Variants in SLC45A1 observed in about 807,000 individuals in gnomAD.
SLC45A1 encodes proton-associated sugar transporter A.
Under a neutral mutation model 57.6 loss-of-function variants are expected in SLC45A1, and 28 were observed. That is an observed-to-expected ratio of 0.49 (90% CI 0.36 to 0.67). SLC45A1 has a LOEUF of 0.67. SLC45A1 is among the 30% of genes least tolerant of loss of function. The pLI is 0.00. For missense variants in SLC45A1, 814 were observed against 1,041.5 expected (o/e 0.78, Z 3.01); for synonymous variants, 459 against 471.5 (o/e 0.97, Z 0.34).
chr1:8,331,087 C>CA, intron 5 of SLC45A1, 151 bp downstream of exon 5: 2 of 1,025,012 alleles, frequency 2.0e-6, no homozygotes, highest in Non-Finnish European at 1.4e-6. Context: ...AAGAGAAAAG[C>CA]CTTAGAGGCC....
Position 8,330,877 on chromosome 1 carries a change from G to T in SLC45A1, c.1384G>T (p.Ala462Ser). 6.2e-7 allele frequency: 1 copy of T among 1,605,684 alleles called. No individual in the cohort carries two copies. Among genetic ancestry groups the T allele is most frequent in the Non-Finnish European group, 8.5e-7 (1 of 1,174,052 alleles). Residue 462 changes from alanine (A) to serine (S), a missense_variant, in exon 5 of 9, where the codon GCA becomes TCA. Coordinates refer to ENST00000471889, the MANE Select transcript of SLC45A1 (RefSeq NM_001080397.3). The surrounding 1 kb of genome is among the most constrained non-coding windows in gnomAD (Gnocchi z 8.4). ...ACCTCAGACCTTGGCCATCCCGGAC[G>T]CAGCCGGAGGAGGGGGTCCCGAAAC... ...KRPQTLAIPD[A>S]AGGGGPETSR...
At chr1:8,329,512 T>C (rs111256444) in intron 4 of SLC45A1, among the ~76,000 whole-genome samples, 3,376 of 152,286 alleles carry the variant, frequency 0.022, 130 homozygotes, top group African/African-American at 0.077. Flanking sequence ...GAAGCTGCAG[T>C]GTTTGGAGGT....
intron 8 of SLC45A1, among the ~76,000 whole-genome samples, chr1:8,340,264 G>C (rs1160676342): frequency 6.6e-6 from 1 of 151,496 alleles, no homozygotes; most frequent in East Asian, 1.9e-4. Context: ...CCGGGTTCAA[G>C]TGGTCCTCCT....
chr1:8,334,911 C>T (rs890488471), intron 5 of SLC45A1, among the ~76,000 whole-genome samples: 10 of 152,218 alleles, frequency 6.6e-5, no homozygotes, highest in East Asian at 1.9e-4. Context: ...GACCGTGGGG[C>T]GTGTCGTGTG....
rs1057205382 is a variant in SLC45A1, at chr1:8,328,506, A to T, written c.716-1703A>T. 3.3e-5 allele frequency among the ~76,000 whole-genome samples: 5 copies of T among 152,180 alleles called. No individual in the cohort carries two copies. The highest frequency in any genetic ancestry group is 1.2e-4 in the African/African-American group (5 of 41,432). On this transcript the variant is annotated intron_variant, in intron 4 of 8. Transcript: ENST00000471889. This position sits in a 1 kb window ranked among gnomAD's most constrained non-coding sequence, Gnocchi z 4.6. Reference sequence around the variant, plus strand: ...GGTTTTTACCTTACGCCCGTCTATGAGAATGCACCACTTTGATCATTCAAG... The same window carrying T: ...GGTTTTTACCTTACGCCCGTCTATGTGAATGCACCACTTTGATCATTCAAG...
chr1:8,333,587 C>A (rs1640491972), intron 5 of SLC45A1, among the ~76,000 whole-genome samples: 1 of 151,964 alleles, frequency 6.6e-6, no homozygotes, highest in South Asian at 2.1e-4. Flanking sequence ...AGGTGTGCAC[C>A]ACCACACCCA....
rs1640206972 is a variant in SLC45A1 at position 8,326,457 on chromosome 1, C to T, written c.715+415C>T. ...TTGTTGTATGTGTTTCTGTTTAAAACCCCTTATTTCATCTGTGCCTTTGGC... is the reference window on the plus strand; with the variant it reads ...TTGTTGTATGTGTTTCTGTTTAAAATCCCTTATTTCATCTGTGCCTTTGGC... On this transcript the variant is annotated intron_variant, in intron 4 of 8. Coordinates refer to ENST00000471889, the MANE Select transcript of SLC45A1 (RefSeq NM_001080397.3). The surrounding 1 kb of genome is among the most constrained non-coding windows in gnomAD (Gnocchi z 5.5). Among the ~76,000 whole-genome samples, 1 of 152,202 alleles carries T rather than the reference C, an allele frequency of 6.6e-6. No individual in the cohort carries two copies. The highest frequency in any genetic ancestry group is 2.1e-4 in the South Asian group (1 of 4,832).
Position 8,343,749 on chromosome 1 carries a change from T to G in SLC45A1, c.1983T>G (p.Phe661Leu). 1.2e-6 allele frequency: 2 copies of G among 1,606,064 alleles called. No individual in the cohort carries two copies. The highest frequency in any genetic ancestry group is 1.7e-6 in the Non-Finnish European group (2 of 1,173,604). Reference sequence around the variant, plus strand: ...ACACGTTTCTTCCTCTGGGTCAGTTTGCAGGGTCCAGTGCGGACGGCACCC... The same window carrying G: ...ACACGTTTCTTCCTCTGGGTCAGTTGGCAGGGTCCAGTGCGGACGGCACCC... ...LLCDYYQSKK[F>L]AGSSADGTRR... Residue 661 changes from phenylalanine (F) to leucine (L), a missense_variant and splice_region_variant, in exon 9 of 9, where the codon TTT (phenylalanine) becomes TTG (leucine). By Grantham distance (22) the Phe-to-Leu change is conservative. Transcript: ENST00000471889. This position sits in a 1 kb window ranked among gnomAD's most constrained non-coding sequence, Gnocchi z 7.7.
chr1:8,332,170 A>G lies in SLC45A1; in HGVS notation c.1443+1234A>G, dbSNP rs574751750. Reference sequence around the variant, plus strand: ...TCCTGCTAGTGAGTTTCTTAGAGGCATAGTGTGCACCCCACTTGTTTCTGG... The same window carrying G: ...TCCTGCTAGTGAGTTTCTTAGAGGCGTAGTGTGCACCCCACTTGTTTCTGG... On this transcript the variant is annotated intron_variant, in intron 5 of 8. Transcript: ENST00000471889. Among the ~76,000 whole-genome samples the G allele has an allele frequency of 2.2e-4, 34 of 152,322 alleles. No homozygotes were observed. In the East Asian group the frequency reaches 6.0e-3, roughly 27 times the overall value.
In SLC45A1 at chr1:8,339,598, T is replaced by G; in HGVS notation, c.1880T>G (p.Leu627Arg). Residue 627 changes from leucine to arginine, a missense_variant, in exon 8 of 9, where the codon CTC (leucine) becomes CGC (arginine). Physicochemically the swap from Leu to Arg is moderately radical, Grantham distance 102 (BLOSUM62 -2). Coordinates refer to ENST00000471889, the MANE Select transcript of SLC45A1 (RefSeq NM_001080397.3). The part of the protein sequence containing the change: ...GTGLATLSRN[L>R]YVVLSLCITY... ...GGGCTTGCCACCCTCTCCAGGAACCTCTACGTGGTCCTGTCGCTCTGCATA... is the reference window on the plus strand; with the variant it reads ...GGGCTTGCCACCCTCTCCAGGAACCGCTACGTGGTCCTGTCGCTCTGCATA... The G allele has an allele frequency of 6.2e-7, 1 of 1,614,212 alleles. No individual in the cohort carries two copies.
intron 4 of SLC45A1, among the ~76,000 whole-genome samples, chr1:8,329,281 G>T (rs1417838325): frequency 2.0e-5 from 3 of 152,210 alleles, no homozygotes; most frequent in Non-Finnish European, 4.4e-5. Context: ...AAAATCCCGT[G>T]CTGGTAGCAG....
At position 8,325,425 on chromosome 1, in the gene SLC45A1, G is replaced by GAA; in HGVS notation, c.490+44_490+45dup. The GAA allele has an allele frequency of 8.7e-6, 11 of 1,267,010 alleles. No homozygotes were observed. Among genetic ancestry groups the GAA allele is most frequent in the African/African-American group, 1.6e-5 (1 of 63,844 alleles). 78.5% of individuals were successfully genotyped at this position (1,267,010 alleles called of 1,614,324 possible). On this transcript the variant is annotated intron_variant, in intron 3 of 8. Coordinates refer to ENST00000471889, the MANE Select transcript of SLC45A1 (RefSeq NM_001080397.3). This position sits in a 1 kb window ranked among gnomAD's most constrained non-coding sequence, Gnocchi z 6.3. ...TTTGGCATGGAAATAAAATGGAGAG[G>GAA]AAAAAAAAAAGGCCCCAACTGCTTC...
rs1251005483 is a variant in SLC45A1, at chr1:8,324,438, C to T, written c.109C>T (p.Arg37Ter). The T allele has an allele frequency of 3.1e-6, 5 of 1,612,792 alleles. No homozygotes were observed. The highest frequency in any genetic ancestry group is 1.3e-5 in the African/African-American group (1 of 74,972). The change falls in exon 2 of 9, where the codon CGA becomes TGA. Residue 37 changes from arginine to a stop codon, truncating the protein, a stop_gained. Coordinates refer to ENST00000471889, the MANE Select transcript of SLC45A1 (RefSeq NM_001080397.3). LOFTEE classifies it high-confidence loss of function. The stretch of plus-strand genomic sequence containing the variant: ...CACGGGCTACTCGGGGTCCGTGACA[C>T]GACACCTCAGTCACCGGGCCAACAA... ...QVTGYSGSVT[R>*]HLSHRANNFK...
Position 8,344,111 on chromosome 1 carries a change from G to C in SLC45A1, c.*98G>C. 9.2e-7 allele frequency: 1 copy of C among 1,090,874 alleles called. No homozygotes were observed. Among genetic ancestry groups the C allele is most frequent in the Non-Finnish European group, 1.3e-6 (1 of 770,254 alleles). 67.6% of individuals were successfully genotyped at this position (1,090,874 alleles called of 1,614,324 possible). ...AGGGCCTTGTTGGACAGGGGGACTG[G>C]CTGCCTACTGGAATGTAAATATGTG... is the stretch of plus-strand genomic sequence containing the variant. On this transcript the variant is annotated 3_prime_UTR_variant, in exon 9 of 9. Coordinates refer to ENST00000471889, the MANE Select transcript of SLC45A1 (RefSeq NM_001080397.3).
In SLC45A1 at chr1:8,325,999, C is replaced by A; in HGVS notation, c.672C>A (p.Pro224=). The change falls in exon 4 of 9, where the codon CCC becomes CCA. Residue 224 remains proline (P), a synonymous_variant. Transcript: ENST00000471889. This position sits in a 1 kb window ranked among gnomAD's most constrained non-coding sequence, Gnocchi z 6.3. ...SHAYMMDVCS[P]ADQDRGLNIH... ...CCTACATGATGGACGTGTGCAGCCC[C>A]GCAGACCAGGACCGAGGCCTGAACA... 6.2e-7 allele frequency: 1 copy of A among 1,609,476 alleles called. No individual in the cohort carries two copies.
intron 4 of SLC45A1, among the ~76,000 whole-genome samples, chr1:8,329,844 C>T (rs1013957591): frequency 5.3e-5 from 8 of 152,168 alleles, no homozygotes; most frequent in African/African-American, 1.9e-4. Flanking sequence ...CGGCCCTGAG[C>T]TGGAGGGGCC....
chr1:8,323,865 G>T (rs969777177), intron 1 of SLC45A1, among the ~76,000 whole-genome samples: 1 of 152,192 alleles, frequency 6.6e-6, no homozygotes, highest in Non-Finnish European at 1.5e-5. Flanking sequence ...GTGCCGGGGG[G>T]GTGGTTCCTA....
At position 8,335,393 on chromosome 1, in the gene SLC45A1, T is replaced by A. The variant is rs1220464431; in HGVS notation, c.1444-44T>A. 4 of 1,539,462 alleles carry A rather than the reference T, an allele frequency of 2.6e-6. No individual in the cohort carries two copies. The African/African-American group carries it at 5.5e-5, about 21-fold the overall frequency. On this transcript the variant is annotated intron_variant, in intron 5 of 8. Coordinates refer to ENST00000471889, the MANE Select transcript of SLC45A1 (RefSeq NM_001080397.3). The surrounding 1 kb of genome is among the most constrained non-coding windows in gnomAD (Gnocchi z 4.1). ...GCAGAGCAGGGTCTGCGCTGTGTGA[T>A]GGGGGTGCGGGGCTCTGATGAGGGG...
In SLC45A1 at chr1:8,328,230, T is replaced by A. The variant is rs1169212080; in HGVS notation, c.716-1979T>A. ...TTTAAAAATCAAGGGAAAAGCCTAA[T>A]GAGACATTAGGCCTTCATTACAGGA... On this transcript the variant is annotated intron_variant, in intron 4 of 8. Coordinates refer to ENST00000471889, the MANE Select transcript of SLC45A1 (RefSeq NM_001080397.3). This position sits in a 1 kb window ranked among gnomAD's most constrained non-coding sequence, Gnocchi z 4.6. 1 of 152,120 alleles carries A rather than the reference T, an allele frequency of 6.6e-6. No individual in the cohort carries two copies. The highest frequency in any genetic ancestry group is 2.4e-5 in the African/African-American group (1 of 41,426). 9.4% of individuals were successfully genotyped at this position (152,120 alleles called of 1,614,324 possible).
Sources: allele counts gnomAD v4.1 joint callset (sites outside exome capture counted in the v4.1 genomes callset), GRCh38; gene constraint gnomAD v4.1.1; non-coding constraint Gnocchi (gnomAD v3.1); transcripts MANE v1.5; gene names NCBI Gene and HGNC (gene_info 2026-07-23, HGNC 2026-07-21).